ZC3H14: variants seen among roughly 807,000 people sequenced by gnomAD.
ZC3H14 encodes zinc finger CCCH-type containing 14.
Under a neutral mutation model 92.4 loss-of-function variants are expected in ZC3H14, and 31 were observed. The ratio of observed to expected loss-of-function variants is 0.34; its 90% CI spans 0.25 to 0.45. The LOEUF is 0.45. Ranked by LOEUF, ZC3H14 falls within the 20% of genes least tolerant of loss-of-function variation. The pLI is 1.00. For missense variants in ZC3H14, 781 were observed against 897.3 expected (o/e 0.87, Z 1.66); for synonymous variants, 321 against 300.9 (o/e 1.07, Z -0.69).
Position 88,609,733 on chromosome 14 carries a change from C to G in ZC3H14, c.2027C>G (p.Pro676Arg). 6.2e-7 allele frequency: 1 copy of G among 1,614,168 alleles called. No homozygotes were observed. The highest frequency in any genetic ancestry group is 1.3e-5 in the African/African-American group (1 of 75,048). ...TTAGCAGTTGCACCACCAGCACCAC[C>G]TTCCAGTAGTCAGCTCTGCCGTTAC... Reference protein sequence around the residue: ...PKPAVAPPAPPSSSQLCRYFP... With the variant: ...PKPAVAPPAPRSSSQLCRYFP... The change falls in exon 15 of 17, where the codon CCT becomes CGT. Residue 676 changes from proline (P) to arginine (R), a missense_variant. Transcript: ENST00000251038.
rs878923721 is a variant in ZC3H14 at position 88,627,102 on chromosome 14, G to A, written c.*15351G>A. The A allele has an allele frequency of 1.9e-6, 3 of 1,552,804 alleles. No individual in the cohort carries two copies. The South Asian group carries it at 3.4e-5, about 17-fold the overall frequency. On this transcript the variant is annotated 3_prime_UTR_variant, in exon 17 of 17. Transcript: ENST00000251038. ...ATTACAAGAACCAAGCTAATCAACA[G>A]CATCAAACAAATATGTAAAATACAT...
Position 88,623,660 on chromosome 14 carries a change from C to T in ZC3H14, c.*11909C>T, listed in dbSNP as rs1435702925. Reference sequence around the variant, plus strand: ...AACTCCTGACCTCGTGATCCGCCCACCTCGGCCTCCCAAAGTGTTGGGATT... The same window carrying T: ...AACTCCTGACCTCGTGATCCGCCCATCTCGGCCTCCCAAAGTGTTGGGATT... On this transcript the variant is annotated 3_prime_UTR_variant, in exon 17 of 17. Transcript: ENST00000251038. The T allele has an allele frequency of 2.0e-5, 3 of 152,272 alleles. No individual in the cohort carries two copies. Among genetic ancestry groups the T allele is most frequent in the Non-Finnish European group, 2.9e-5 (2 of 68,092 alleles). 9.4% of individuals were successfully genotyped at this position (152,272 alleles called of 1,614,324 possible). A position where few individuals can be genotyped will look rare whatever the true frequency, so the allele number is the denominator to read the frequency against.
chr14:88,584,426 A>G (rs1389806968), intron 9 of ZC3H14, among the ~76,000 whole-genome samples: 1 of 152,268 alleles, frequency 6.6e-6, no homozygotes, highest in African/African-American at 2.4e-5. Flanking sequence ...ATCTTAAAAC[A>G]TACACATCTA....
intron 2 of ZC3H14, among the ~76,000 whole-genome samples, chr14:88,566,146 C>T (rs907165218): frequency 2.0e-5 from 3 of 150,658 alleles, no homozygotes; most frequent in Non-Finnish European, 4.4e-5. Flanking sequence ...TCCCAGAGTG[C>T]TGGGATTACA....
At position 88,616,017 on chromosome 14, in the gene ZC3H14, T is replaced by G; in HGVS notation, c.*4266T>G. 7.8e-7 allele frequency: 1 copy of G among 1,280,158 alleles called. No homozygotes were observed. The highest frequency in any genetic ancestry group is 1.3e-5 in the South Asian group (1 of 75,996). The allele number at this position is 1,280,158 out of a possible 1,614,324, so 79.3% of individuals were successfully genotyped here. On this transcript the variant is annotated 3_prime_UTR_variant, in exon 17 of 17. Transcript: ENST00000251038. Reference sequence around the variant, plus strand: ...AAATATGAGATTCTGAAGAGCCATCTGGTTATACTACCTTCTACTAATGTT... The same window carrying G: ...AAATATGAGATTCTGAAGAGCCATCGGGTTATACTACCTTCTACTAATGTT...
In ZC3H14 at chr14:88,609,812, T is replaced by G; in HGVS notation, c.2097+9T>G. On this transcript the variant is annotated intron_variant, in intron 15 of 16. Coordinates refer to ENST00000251038, the MANE Select transcript of ZC3H14 (RefSeq NM_024824.5). ...CCTTCTATCATCCAAAAGTAAGAAC[T>G]TCTATTTTCTCAAATCAATTTAGTG... 6.2e-7 allele frequency: 1 copy of G among 1,612,358 alleles called. No homozygotes were observed. Among genetic ancestry groups the G allele is most frequent in the South Asian group, 1.1e-5 (1 of 91,052 alleles).
At chr14:88,579,157 C>T (rs2139710542) in intron 9 of ZC3H14, among the ~76,000 whole-genome samples, 1 of 152,070 alleles carries the variant, frequency 6.6e-6, no homozygotes, top group East Asian at 1.9e-4. Flanking sequence ...TTTTTCATTT[C>T]TTCAAAACTG....
At position 88,581,787 on chromosome 14, in the gene ZC3H14, C is replaced by T. The variant is rs140594296; in HGVS notation, c.1279+3647C>T. Among the ~76,000 whole-genome samples the T allele has an allele frequency of 1.3e-3, 195 of 152,102 alleles. No individual in the cohort carries two copies. In the East Asian group the frequency reaches 0.031, roughly 25 times the overall value. On this transcript the variant is annotated intron_variant, in intron 9 of 16. Transcript: ENST00000251038. Reference sequence around the variant, plus strand: ...TGAGATTCAGTAGGTGTAAATATCGCGGTGAATTAAAGCCCATTTAAATCC... The same window carrying T: ...TGAGATTCAGTAGGTGTAAATATCGTGGTGAATTAAAGCCCATTTAAATCC...
intron 4 of ZC3H14, 98 bp downstream of exon 4, chr14:88,571,222 C>A: frequency 1.9e-6 from 2 of 1,078,870 alleles, no homozygotes; most frequent in Non-Finnish European, 1.3e-6. Context: ...CCATCAATTT[C>A]AAAACGGTTC....
intron 3 of ZC3H14, among the ~76,000 whole-genome samples, chr14:88,569,055 C>G (rs1308226552): frequency 6.6e-6 from 1 of 152,070 alleles, no homozygotes; most frequent in Non-Finnish European, 1.5e-5. Flanking sequence ...TTTGTTCAGA[C>G]AGGGTCTTAG....
rs1175301498 is a variant in ZC3H14 at position 88,572,715 on chromosome 14, A to C, written c.569A>C (p.Gln190Pro). The change falls in exon 6 of 17, where the codon CAG becomes CCG. Residue 190 changes from glutamine (Q) to proline (P), a missense_variant. This residue lies in a region of ZC3H14 where 454 missense variants were observed against 438.5 expected (regional missense o/e 1.04). Transcript: ENST00000251038. ...DLIDEDLNFV[Q>P]ENPLSQKKPT... ...ATTGACGAAGACCTCAACTTTGTGC[A>C]GGAGAATCCCTTATCTCAGAAAAAA... The C allele has an allele frequency of 6.2e-7, 1 of 1,614,130 alleles. No homozygotes were observed. The highest frequency in any genetic ancestry group is 8.5e-7 in the Non-Finnish European group (1 of 1,180,058).
rs2089475171 is a variant in ZC3H14 at position 88,623,762 on chromosome 14, G to C, written c.*12011G>C. On this transcript the variant is annotated 3_prime_UTR_variant, in exon 17 of 17. Coordinates refer to ENST00000251038, the MANE Select transcript of ZC3H14 (RefSeq NM_024824.5). ...CAGAAGCATATTTATTCCCTATCAGGTGTTAAAATATCTCACTGGAACAGT... is the reference window on the plus strand; with the variant it reads ...CAGAAGCATATTTATTCCCTATCAGCTGTTAAAATATCTCACTGGAACAGT... 6.6e-6 allele frequency: 1 copy of C among 152,204 alleles called. No homozygotes were observed. Among genetic ancestry groups the C allele is most frequent in the African/African-American group, 2.4e-5 (1 of 41,442 alleles). 9.4% of individuals were successfully genotyped at this position (152,204 alleles called of 1,614,324 possible). A position where few individuals can be genotyped will look rare whatever the true frequency, so the allele number is the denominator to read the frequency against.
intron 12 of ZC3H14, among the ~76,000 whole-genome samples, chr14:88,605,906 T>C (rs1195963292): frequency 2.0e-5 from 3 of 152,174 alleles, no homozygotes; most frequent in Non-Finnish European, 4.4e-5. Flanking sequence ...TCTCTTTGTA[T>C]AGATGAGGAA....
intron 2 of ZC3H14, among the ~76,000 whole-genome samples, chr14:88,564,368 C>T (rs1167760227): frequency 1.3e-5 from 2 of 152,162 alleles, no homozygotes; most frequent in African/African-American, 4.8e-5. Flanking sequence ...AGGATAATCC[C>T]TACGAGAATC....
intron 5 of ZC3H14, 88 bp from the exon 6 acceptor site, chr14:88,572,490 T>C (rs1444018077): frequency 7.8e-6 from 12 of 1,529,970 alleles, no homozygotes; most frequent in African/African-American, 1.4e-5. Flanking sequence ...AGTTTTTTCA[T>C]TGAAATTTTT....
intron 12 of ZC3H14, among the ~76,000 whole-genome samples, chr14:88,606,635 G>A (rs1187708104): frequency 5.9e-5 from 9 of 151,728 alleles, no homozygotes; most frequent in Non-Finnish European, 1.0e-4. Flanking sequence ...CTTGGTAGGG[G>A]CTGAGGTGGG....
Position 88,624,696 on chromosome 14 carries a change from T to C in ZC3H14, c.*12945T>C. 2.6e-6 allele frequency: 1 copy of C among 378,150 alleles called. No individual in the cohort carries two copies. Among genetic ancestry groups the C allele is most frequent in the South Asian group, 3.1e-5 (1 of 31,814 alleles). 23.4% of individuals were successfully genotyped at this position (378,150 alleles called of 1,614,324 possible). A position where few individuals can be genotyped will look rare whatever the true frequency, so the allele number is the denominator to read the frequency against. On this transcript the variant is annotated 3_prime_UTR_variant, in exon 17 of 17. Coordinates refer to ENST00000251038, the MANE Select transcript of ZC3H14 (RefSeq NM_024824.5). ...CTACTCAGCAAATCATACACAGGCA[T>C]ACAGACATTAAGAAAAGTAACTCAA... is the stretch of plus-strand genomic sequence containing the variant.
rs1258567399 is a variant in ZC3H14 at position 88,615,819 on chromosome 14, CAGTG to C, written c.*4071_*4074del. 2 of 1,611,344 alleles carry C rather than the reference CAGTG, an allele frequency of 1.2e-6. No individual in the cohort carries two copies. The highest frequency in any genetic ancestry group is 2.7e-5 in the African/African-American group (2 of 74,918). On this transcript the variant is annotated 3_prime_UTR_variant, in exon 17 of 17. Transcript: ENST00000251038. ...TTTCTGTAGTCATCTCAGCATCTCTCAGTGAGGTGTATGTACACATTTCCAGACA... is the reference window on the plus strand; with the variant it reads ...TTTCTGTAGTCATCTCAGCATCTCTCAGGTGTATGTACACATTTCCAGACA...
chr14:88,618,719 G>A lies in ZC3H14; in HGVS notation c.*6968G>A, dbSNP rs1296870887. 6.2e-7 allele frequency: 1 copy of A among 1,610,762 alleles called. No individual in the cohort carries two copies. The highest frequency in any genetic ancestry group is 8.5e-7 in the Non-Finnish European group (1 of 1,178,346). ...AGCTTGGAATGTCTTTGCAGTAGCT[G>A]ATTCTGTTAAGAGTGGGGCCCAGCG... On this transcript the variant is annotated 3_prime_UTR_variant, in exon 17 of 17. Coordinates refer to ENST00000251038, the MANE Select transcript of ZC3H14 (RefSeq NM_024824.5).
Sources: gnomAD v4.1 joint callset for allele counts (sites outside exome capture counted in the v4.1 genomes callset) on GRCh38, gnomAD v4.1.1 for gene constraint, gnomAD v4.1.1 regional missense constraint, MANE v1.5 for transcripts, NCBI Gene and HGNC (gene_info 2026-07-23, HGNC 2026-07-21) for gene names.